Variants in NOL4 observed in about 807,000 individuals in gnomAD.
The protein encoded by NOL4 is nucleolar protein 4.
In NOL4, 17 loss-of-function variants were observed where a neutral mutation model predicts 75.9. The ratio of observed to expected loss-of-function variants is 0.22; its 90% CI spans 0.15 to 0.34. The LOEUF (loss-of-function observed/expected upper bound fraction) is 0.34, where lower values mean the gene tolerates loss of function less well. Among genes scored for constraint, NOL4 ranks in the 10% least tolerant of loss-of-function variants. The pLI is 1.00. For synonymous variants in NOL4, 292 were observed against 289.9 expected, an observed-to-expected ratio of 1.01 and a Z score of -0.07; for missense variants, 614 against 793.5, an observed-to-expected ratio of 0.77 and a Z score of 2.72.
chr18:33,931,929 A>G (rs2067720494), intron 9 of NOL4, among the ~76,000 whole-genome samples: 1 of 151,996 alleles, frequency 6.6e-6, no homozygotes, highest in African/African-American at 2.4e-5. Context: ...CTATCATGCA[A>G]ATCAAGAAAA....
At chr18:34,079,684 G>T (rs1421827484) in intron 5 of NOL4, among the ~76,000 whole-genome samples, 1 of 151,828 alleles carries the variant, frequency 6.6e-6, no homozygotes, top group African/African-American at 2.4e-5. Flanking sequence ...ACACACATAT[G>T]ATTGAACGAT....
At chr18:33,995,202 A>T (rs1298424907) in intron 6 of NOL4, among the ~76,000 whole-genome samples, 1 of 151,772 alleles carries the variant, frequency 6.6e-6, no homozygotes, top group East Asian at 1.9e-4. Context: ...GATGACTATC[A>T]ATTATTCACT....
chr18:34,137,394 T>A (rs925446264), intron 1 of NOL4, among the ~76,000 whole-genome samples: 3 of 152,090 alleles, frequency 2.0e-5, no homozygotes, highest in Non-Finnish European at 4.4e-5. Context: ...ATATACCTAA[T>A]AAAGGACTTA....
In NOL4 at chr18:33,994,964, A is replaced by G. The variant is rs192176122; in HGVS notation, c.1056+24354T>C. On this transcript the variant is annotated intron_variant, in intron 6 of 10. Transcript: ENST00000261592. Reference sequence around the variant, plus strand: ...AGTGAAACAGGGAACTAACAGAAATAAAAAAGACTATAAAGAATACTATGA... The same window carrying G: ...AGTGAAACAGGGAACTAACAGAAATGAAAAAGACTATAAAGAATACTATGA... Among the ~76,000 whole-genome samples the G allele has an allele frequency of 2.1e-3, 320 of 151,684 alleles. 5 individuals carry two copies. Among genetic ancestry groups the G allele is most frequent in the African/African-American group, 7.2e-3 (299 of 41,522 alleles).
intron 10 of NOL4, among the ~76,000 whole-genome samples, chr18:33,864,932 A>T (rs1489614192): frequency 6.6e-6 from 1 of 152,090 alleles, no homozygotes; most frequent in Non-Finnish European, 1.5e-5. Context: ...ATCTCATGAG[A>T]ACTCACTTAC....
chr18:34,078,893 C>A (rs988175408), intron 5 of NOL4, among the ~76,000 whole-genome samples: 2 of 152,172 alleles, frequency 1.3e-5, no homozygotes, highest in Non-Finnish European at 2.9e-5. Context: ...CTGGCCTCTG[C>A]CCCAAACCTA....
intron 6 of NOL4, among the ~76,000 whole-genome samples, chr18:34,002,413 G>T (rs547456276): frequency 6.6e-6 from 1 of 151,968 alleles, no homozygotes. Context: ...TAGCTCCTAC[G>T]CATTCTTTAG....
intron 1 of NOL4, among the ~76,000 whole-genome samples, chr18:34,189,796 A>G (rs1211621101): frequency 1.3e-5 from 2 of 151,936 alleles, no homozygotes; most frequent in Admixed American, 6.6e-5. Context: ...ATATTTTTTA[A>G]TTCCCATAAG....
chr18:34,183,341 ATATCACTAT>A (rs1568427506), intron 1 of NOL4, among the ~76,000 whole-genome samples: 1 of 151,892 alleles, frequency 6.6e-6, no homozygotes, highest in Non-Finnish European at 1.5e-5. Context: ...AAACTTCAAG[ATATCACTAT>A]ACACTATTAT....
chr18:34,025,139 A>G (rs2075279848), intron 5 of NOL4, among the ~76,000 whole-genome samples: 1 of 152,204 alleles, frequency 6.6e-6, no homozygotes. Context: ...AAAAGAAGCC[A>G]AAAGCCAAAT....
intron 1 of NOL4, among the ~76,000 whole-genome samples, chr18:34,141,938 C>A (rs1021672453): frequency 1.6e-4 from 24 of 152,148 alleles, no homozygotes; most frequent in African/African-American, 5.5e-4. Context: ...ACTCATCTGA[C>A]AAAGGGCTAA....
chr18:33,869,458 T>TA (rs2063589343), intron 10 of NOL4, among the ~76,000 whole-genome samples: 1 of 151,966 alleles, frequency 6.6e-6, no homozygotes, highest in Non-Finnish European at 1.5e-5. Context: ...TTTTTGCTCT[T>TA]AGAGTCTAAT....
chr18:34,160,063 T>C (rs1436605419), intron 1 of NOL4, among the ~76,000 whole-genome samples: 2 of 152,194 alleles, frequency 1.3e-5, no homozygotes, highest in Non-Finnish European at 2.9e-5. Context: ...TTTTATTTAC[T>C]GGAGCAAAAC....
At chr18:34,087,677 C>T (rs912202496) in intron 5 of NOL4, among the ~76,000 whole-genome samples, 1 of 151,914 alleles carries the variant, frequency 6.6e-6, no homozygotes, top group African/African-American at 2.4e-5. Flanking sequence ...ATCATTTACC[C>T]TTGTCCTAAG....
chr18:33,953,009 T>C (rs1007947185), intron 8 of NOL4, among the ~76,000 whole-genome samples: 5 of 152,064 alleles, frequency 3.3e-5, no homozygotes, highest in Non-Finnish European at 7.4e-5. Flanking sequence ...CAAAGGCAGA[T>C]TTATCATAAA....
At chr18:34,130,564 T>C (rs1020763569) in intron 1 of NOL4, among the ~76,000 whole-genome samples, 2 of 152,106 alleles carry the variant, frequency 1.3e-5, no homozygotes, top group Non-Finnish European at 2.9e-5. Flanking sequence ...ACATGAGCTC[T>C]AGAAATTATC....
At chr18:34,211,676 A>G (rs1348422888) in intron 1 of NOL4, among the ~76,000 whole-genome samples, 3 of 152,196 alleles carry the variant, frequency 2.0e-5, no homozygotes, top group African/African-American at 4.8e-5. Flanking sequence ...CAGCTCCAAA[A>G]CACTTCAAAA....
At chr18:33,904,054 T>C (rs1470646918) in intron 9 of NOL4, among the ~76,000 whole-genome samples, 1 of 152,142 alleles carries the variant, frequency 6.6e-6, no homozygotes, top group Non-Finnish European at 1.5e-5. Context: ...ATAAATTGAT[T>C]TTATAATCTT....
At chr18:34,051,167 T>G (rs970832932) in intron 5 of NOL4, among the ~76,000 whole-genome samples, 3 of 152,096 alleles carry the variant, frequency 2.0e-5, no homozygotes, top group African/African-American at 4.8e-5. Context: ...GACTAAATAT[T>G]ATTCAGCTTT....
Sources: allele counts gnomAD v4.1 joint callset (sites outside exome capture counted in the v4.1 genomes callset), GRCh38; gene constraint gnomAD v4.1.1; transcripts MANE v1.5; gene names NCBI Gene and HGNC (gene_info 2026-07-23, HGNC 2026-07-21).